RBMS3: variants seen among roughly 807,000 people sequenced by gnomAD.
RBMS3 encodes the protein RNA-binding motif, single-stranded-interacting protein 3.
A neutral mutation model predicts 66.8 loss-of-function variants in RBMS3; 27 were observed. The observed-to-expected ratio is 0.40, with a 90% CI of 0.30 to 0.56. RBMS3 has a LOEUF of 0.56. Among genes scored for constraint, RBMS3 ranks in the 20% least tolerant of loss-of-function variants. The probability of loss-of-function intolerance (pLI) is 0.40; values close to 1 mark genes in which losing one functional copy is unlikely to be tolerated. For synonymous variants in RBMS3, 188 were observed against 183.0 expected (o/e 1.03, Z -0.22); for missense variants, 513 against 549.5 (o/e 0.93, Z 0.66).
intron 3 of RBMS3, among the ~76,000 whole-genome samples, chr3:29,501,019 G>T (rs1278050177): frequency 6.6e-6 from 1 of 152,138 alleles, no homozygotes; most frequent in Admixed American, 6.5e-5. Context: ...TTAAGCATCT[G>T]CTATGTTACA....
At chr3:29,668,997 T>A (rs1179611487) in intron 4 of RBMS3, among the ~76,000 whole-genome samples, 3 of 152,200 alleles carry the variant, frequency 2.0e-5, no homozygotes, top group African/African-American at 7.2e-5. Flanking sequence ...CGTTTCCCAC[T>A]TAGTTGATGG....
chr3:29,800,382 A>G (rs1486850722), intron 6 of RBMS3, among the ~76,000 whole-genome samples: 1 of 152,172 alleles, frequency 6.6e-6, no homozygotes, highest in East Asian at 1.9e-4. Context: ...CTTTAAATAA[A>G]CTTGCTTTCT....
At chr3:29,396,407 T>C (rs886414145) in intron 1 of RBMS3, among the ~76,000 whole-genome samples, 4 of 152,102 alleles carry the variant, frequency 2.6e-5, no homozygotes, top group Non-Finnish European at 5.9e-5. Context: ...AGATGGAAAA[T>C]GCTATTATTA....
intron 10 of RBMS3, among the ~76,000 whole-genome samples, chr3:29,928,213 C>T (rs1449284): frequency 0.044 from 4,259 of 95,800 alleles, 90 homozygotes; most frequent in African/African-American, 0.082. Context: ...TATATATATA[C>T]ACACACACAC....
At chr3:29,556,119 A>G (rs2046352937) in intron 3 of RBMS3, among the ~76,000 whole-genome samples, 2 of 107,536 alleles carry the variant, frequency 1.9e-5, no homozygotes, top group African/African-American at 8.5e-5. Context: ...ATCAGCCACA[A>G]TAAAGTTTAA....
At position 29,428,106 on chromosome 3, in the gene RBMS3, G is replaced by GT; in HGVS notation, c.76-6630dup. ...GTTTGGTGGTAAGGTTTTGTTTACGGTTTTTTTAGGCCATTGAGTTAGTAT... is the reference window on the plus strand; with the variant it reads ...GTTTGGTGGTAAGGTTTTGTTTACGGTTTTTTTTAGGCCATTGAGTTAGTAT... On this transcript the variant is annotated intron_variant, in intron 1 of 14. Transcript: ENST00000383767. 2.0e-5 allele frequency among the ~76,000 whole-genome samples: 3 copies of GT among 152,156 alleles called. No individual in the cohort carries two copies. The East Asian group carries it at 5.8e-4, about 29-fold the overall frequency.
intron 1 of RBMS3, among the ~76,000 whole-genome samples, chr3:29,377,855 A>G (rs547095199): frequency 5.4e-4 from 82 of 152,318 alleles, no homozygotes; most frequent in African/African-American, 1.9e-3. Context: ...ATCATCTGCA[A>G]AAAAGTGATT....
intron 4 of RBMS3, among the ~76,000 whole-genome samples, chr3:29,684,819 CACAT>C (rs2051646376): frequency 6.6e-6 from 1 of 151,280 alleles, no homozygotes; most frequent in African/African-American, 2.4e-5. Flanking sequence ...CACACACAGA[CACAT>C]ACACTGAGCT....
At chr3:29,555,496 G>A (rs555627953) in intron 3 of RBMS3, among the ~76,000 whole-genome samples, 2 of 152,240 alleles carry the variant, frequency 1.3e-5, no homozygotes, top group Admixed American at 6.5e-5. Flanking sequence ...TCTGCTTGAG[G>A]ATCTAGAAGG....
intron 10 of RBMS3, among the ~76,000 whole-genome samples, chr3:29,911,461 C>T (rs61227525): frequency 0.024 from 3,655 of 152,104 alleles, 153 homozygotes; most frequent in African/African-American, 0.082. Context: ...CCTAGAGTTC[C>T]GTTTGCATTT....
chr3:29,921,325 A>T (rs181763358), intron 10 of RBMS3, among the ~76,000 whole-genome samples: 1 of 151,878 alleles, frequency 6.6e-6, no homozygotes, highest in Non-Finnish European at 1.5e-5. Flanking sequence ...CAGCCTCCCA[A>T]ACTGCTGGGA....
chr3:29,616,157 A>C (rs1402896214), intron 4 of RBMS3: 1 of 152,160 alleles, frequency 6.6e-6, no homozygotes, highest in African/African-American at 2.4e-5. Context: ...ACTTTATTGA[A>C]GTCTAATTTG....
chr3:29,463,294 A>G (rs764482202), intron 2 of RBMS3, among the ~76,000 whole-genome samples: 15 of 152,364 alleles, frequency 9.8e-5, no homozygotes, highest in Middle Eastern at 3.4e-3. Flanking sequence ...AGATTAGCAA[A>G]TAAAAAAATT....
intron 4 of RBMS3, among the ~76,000 whole-genome samples, chr3:29,599,169 G>A (rs1316675136): frequency 1.4e-5 from 2 of 143,652 alleles, no homozygotes; most frequent in Non-Finnish European, 1.5e-5. Flanking sequence ...TTTTTTTTTT[G>A]GTAAAGCTAC....
chr3:29,919,736 G>C (rs186632714), intron 10 of RBMS3, among the ~76,000 whole-genome samples: 1 of 152,142 alleles, frequency 6.6e-6, no homozygotes, highest in Non-Finnish European at 1.5e-5. Flanking sequence ...TTCTAGCTGC[G>C]GATTCCATTT....
At chr3:29,683,410 T>C (rs2051580251) in intron 4 of RBMS3, among the ~76,000 whole-genome samples, 1 of 152,138 alleles carries the variant, frequency 6.6e-6, no homozygotes, top group Admixed American at 6.5e-5. Flanking sequence ...CATCCATAAA[T>C]GTGCTGCCAA....
chr3:29,388,754 C>T (rs555084090), intron 1 of RBMS3, among the ~76,000 whole-genome samples: 155 of 152,244 alleles, frequency 1.0e-3, no homozygotes, highest in African/African-American at 3.3e-3. Context: ...TTAGTAGAGA[C>T]AGGGTTTCAC....
chr3:29,411,439 A>G (rs1026639426), intron 1 of RBMS3, among the ~76,000 whole-genome samples: 4 of 152,192 alleles, frequency 2.6e-5, no homozygotes, highest in Admixed American at 2.6e-4. Context: ...GATGCTTTTG[A>G]TCATTTTGGC....
chr3:29,593,440 C>A (rs1240595371), intron 4 of RBMS3, among the ~76,000 whole-genome samples: 2 of 152,090 alleles, frequency 1.3e-5, no homozygotes, highest in African/African-American at 4.8e-5. Context: ...CTCAAGGGCT[C>A]CCTATGTAGG....
Sources: allele counts gnomAD v4.1 joint callset (sites outside exome capture counted in the v4.1 genomes callset), GRCh38; gene constraint gnomAD v4.1.1; transcripts MANE v1.5; gene names NCBI Gene and HGNC (gene_info 2026-07-23, HGNC 2026-07-21).